GALNT17: variants seen among roughly 807,000 people sequenced by gnomAD.
GALNT17 encodes polypeptide N-acetylgalactosaminyltransferase 17, also known as UDP-GalNAc:polypeptide N-acetylgalactosaminyltransferase-like 3.
Under a neutral mutation model 63.7 loss-of-function variants are expected in GALNT17, and 29 were observed. The observed-to-expected ratio is 0.46, with a 90% CI of 0.34 to 0.62. The LOEUF is 0.62. Among genes scored for constraint, GALNT17 ranks in the 20% least tolerant of loss-of-function variants. The pLI is 0.01. For synonymous variants in GALNT17, 305 were observed against 318.3 expected (o/e 0.96, Z 0.45); for missense variants, 603 against 799.6 (o/e 0.75, Z 2.97).
intron 1 of GALNT17, among the ~76,000 whole-genome samples, chr7:71,227,370 A>G (rs895758297): frequency 6.7e-5 from 10 of 148,702 alleles, no homozygotes; most frequent in African/African-American, 2.5e-4. Context: ...TCTCTAAAAA[A>G]TGGAAAAAAA....
At chr7:71,420,579 G>A (rs73363755) in intron 4 of GALNT17, among the ~76,000 whole-genome samples, 6,910 of 152,268 alleles carry the variant, frequency 0.045, 565 homozygotes, top group African/African-American at 0.16. Context: ...TCCACCGTCA[G>A]TATGAGAAGT....
intron 9 of GALNT17, among the ~76,000 whole-genome samples, chr7:71,682,982 C>T (rs1164564928): frequency 6.6e-6 from 1 of 152,106 alleles, no homozygotes; most frequent in African/African-American, 2.4e-5. Flanking sequence ...TAGTGGCACT[C>T]CCAGCACAGT....
At chr7:71,526,982 T>TA (rs903127145) in intron 5 of GALNT17, among the ~76,000 whole-genome samples, 44 of 152,358 alleles carry the variant, frequency 2.9e-4, no homozygotes, top group African/African-American at 1.0e-3. Flanking sequence ...CCTTACTAGT[T>TA]ACTAAATTCT....
intron 5 of GALNT17, among the ~76,000 whole-genome samples, chr7:71,427,640 C>T (rs1786783858): frequency 6.6e-6 from 1 of 151,996 alleles, no homozygotes; most frequent in Non-Finnish European, 1.5e-5. Flanking sequence ...AGCCACTGTC[C>T]AGGGCAGTGG....
intron 3 of GALNT17, among the ~76,000 whole-genome samples, chr7:71,410,591 T>G (rs1365456713): frequency 2.0e-5 from 3 of 152,228 alleles, no homozygotes; most frequent in African/African-American, 7.2e-5. Context: ...TCAAGTCTAC[T>G]AGGTCAATAC....
rs113513389 is a variant in GALNT17, at chr7:71,601,977, G to C, written c.1080+30575G>C. The stretch of plus-strand genomic sequence containing the variant: ...TCTCCTCTGGCTGCACAGTGAGATG[G>C]GAACAGACTGGGCTGAGCAGCTGCA... On this transcript the variant is annotated intron_variant, in intron 6 of 10. Coordinates refer to ENST00000333538, the MANE Select transcript of GALNT17 (RefSeq NM_022479.3). Among the ~76,000 whole-genome samples the C allele has an allele frequency of 3.5e-3, 528 of 152,270 alleles. 3 individuals are homozygous for C. Among genetic ancestry groups the C allele is most frequent in the African/African-American group, 0.012 (489 of 41,554 alleles).
At chr7:71,373,019 A>T (rs1792654144) in intron 2 of GALNT17, among the ~76,000 whole-genome samples, 1 of 152,160 alleles carries the variant, frequency 6.6e-6, no homozygotes, top group Non-Finnish European at 1.5e-5. Context: ...ATGCTTCTTT[A>T]TGCATTGCGT....
intron 5 of GALNT17, among the ~76,000 whole-genome samples, chr7:71,490,865 A>G (rs1003584902): frequency 2.0e-5 from 3 of 152,020 alleles, no homozygotes; most frequent in Non-Finnish European, 4.4e-5. Flanking sequence ...GCACCACTGC[A>G]CTCCAGCCTA....
chr7:71,310,334 A>G (rs1791394075), intron 1 of GALNT17, among the ~76,000 whole-genome samples: 1 of 152,190 alleles, frequency 6.6e-6, no homozygotes, highest in African/African-American at 2.4e-5. Flanking sequence ...AGGATTCCCT[A>G]AATCATATCA....
intron 3 of GALNT17, among the ~76,000 whole-genome samples, chr7:71,410,355 C>T (rs1426300277): frequency 6.6e-6 from 1 of 152,018 alleles, no homozygotes; most frequent in African/African-American, 2.4e-5. Flanking sequence ...AAGGGATTCT[C>T]CCACCTCAGG....
chr7:71,343,871 A>G lies in GALNT17; in HGVS notation c.422+8138A>G, dbSNP rs148349466. ...ATATTACATTTTATGCTTTTTGTATATAAGTAGGCTTATTTTCTCTGTGGT... is the reference window on the plus strand; with the variant it reads ...ATATTACATTTTATGCTTTTTGTATGTAAGTAGGCTTATTTTCTCTGTGGT... On this transcript the variant is annotated intron_variant, in intron 2 of 10. Coordinates refer to ENST00000333538, the MANE Select transcript of GALNT17 (RefSeq NM_022479.3). Among the ~76,000 whole-genome samples the G allele has an allele frequency of 8.6e-5, 13 of 152,038 alleles. No individual in the cohort carries two copies. In the East Asian group the frequency reaches 1.4e-3, roughly 16 times the overall value.
chr7:71,442,569 G>A (rs1228660433), intron 5 of GALNT17, among the ~76,000 whole-genome samples: 5 of 152,134 alleles, frequency 3.3e-5, no homozygotes, highest in Non-Finnish European at 7.3e-5. Flanking sequence ...GGAGTGTTGG[G>A]TCACAGTCTT....
chr7:71,466,755 C>T (rs989432131), intron 5 of GALNT17, among the ~76,000 whole-genome samples: 3 of 152,202 alleles, frequency 2.0e-5, no homozygotes, highest in Non-Finnish European at 2.9e-5. Context: ...AAATTTAGCT[C>T]TTTTAACAGA....
rs758068980 is a variant in GALNT17 at position 71,457,377 on chromosome 7, G to A, written c.962+36272G>A. ...GTGATTCTGGGGTTATTTTGTTACC[G>A]GAAAGGGGTCCTGATCCAGACCCCA... On this transcript the variant is annotated intron_variant, in intron 5 of 10. Transcript: ENST00000333538. 5.3e-5 allele frequency among the ~76,000 whole-genome samples: 8 copies of A among 152,192 alleles called. No individual in the cohort carries two copies. The South Asian group carries it at 8.3e-4, about 16-fold the overall frequency.
At chr7:71,379,484 G>A (rs770027957) in intron 2 of GALNT17, among the ~76,000 whole-genome samples, 1 of 152,112 alleles carries the variant, frequency 6.6e-6, no homozygotes, top group Non-Finnish European at 1.5e-5. Context: ...GGAGGCAAGG[G>A]ACCAGTTAGG....
chr7:71,348,544 T>G (rs924806597), intron 2 of GALNT17, among the ~76,000 whole-genome samples: 1 of 152,218 alleles, frequency 6.6e-6, no homozygotes, highest in Admixed American at 6.5e-5. Flanking sequence ...GTCCTGTTTA[T>G]GCAAATGGAT....
intron 2 of GALNT17, among the ~76,000 whole-genome samples, chr7:71,351,957 GGATAGTGCTAGTAGGAGAT>G (rs1446658723): frequency 5.3e-5 from 8 of 152,272 alleles, no homozygotes; most frequent in African/African-American, 1.9e-4. Context: ...CCAGTTTGGA[GGATAGTGCTAGTAGGAGAT>G]GATAGTGATT....
At chr7:71,402,769 T>C (rs775762087) in intron 3 of GALNT17, among the ~76,000 whole-genome samples, 14 of 150,500 alleles carry the variant, frequency 9.3e-5, no homozygotes, top group Non-Finnish European at 1.9e-4. Context: ...ATTGTTTGCT[T>C]TTCTTCTTGG....
At chr7:71,327,133 T>A (rs1167523849) in intron 1 of GALNT17, among the ~76,000 whole-genome samples, 4 of 152,184 alleles carry the variant, frequency 2.6e-5, no homozygotes, top group African/African-American at 9.7e-5. Context: ...ACCACATGTA[T>A]GCCATTAAGG....
Sources: allele counts gnomAD v4.1 joint callset (sites outside exome capture counted in the v4.1 genomes callset), GRCh38; gene constraint gnomAD v4.1.1; transcripts MANE v1.5; gene names NCBI Gene and HGNC (gene_info 2026-07-23, HGNC 2026-07-21).